The following CDKN1A variants were observed in gnomAD, a reference collection of about 807,000 sequenced individuals.
The protein encoded by CDKN1A is cyclin-dependent kinase inhibitor 1.
CDKN1A carries 14 observed loss-of-function variants against 14.8 expected under a neutral mutation model. The ratio of observed to expected loss-of-function variants is 0.94; its 90% confidence interval spans 0.62 to 1.48. The LOEUF is 1.48. Ranked by LOEUF, CDKN1A falls within the 40% of genes most tolerant of loss-of-function variation. CDKN1A has a pLI of 0.00. For synonymous variants in CDKN1A, 92 were observed against 93.5 expected, an observed-to-expected ratio of 0.98 and a Z score of 0.09; for missense variants, 203 against 231.7, an observed-to-expected ratio of 0.88 and a Z score of 0.80.
intron 1 of CDKN1A, among the ~76,000 whole-genome samples, chr6:36,681,276 CTTTT>C (rs1451003891): frequency 0.062 from 6,527 of 104,440 alleles, 362 homozygotes; most frequent in African/African-American, 0.072. Flanking sequence ...TTCTTTCTTT[CTTTT>C]TTTCTTTCTT....
upstream of CDKN1A, among the ~76,000 whole-genome samples, chr6:36,676,832 A>G (rs1319080340): frequency 6.6e-6 from 1 of 152,158 alleles, no homozygotes; most frequent in African/African-American, 2.4e-5. Flanking sequence ...GTAGGTACTT[A>G]AGAAATATTG....
At chr6:36,677,221 G>A (rs890138917), upstream of CDKN1A, among the ~76,000 whole-genome samples, 6 of 152,164 alleles carry the variant, frequency 3.9e-5, no homozygotes, top group African/African-American at 9.7e-5. Flanking sequence ...ACTCCAGGGC[G>A]AGGCAGGCCA....
chr6:36,681,841 T>A (rs544371899), intron 1 of CDKN1A, among the ~76,000 whole-genome samples: 4 of 151,896 alleles, frequency 2.6e-5, no homozygotes, highest in South Asian at 2.1e-4. Flanking sequence ...TGCTCCGCCC[T>A]CCTCGGCCTC....
Position 36,684,553 on chromosome 6 carries a change from A to G in CDKN1A, c.445+7A>G, listed in dbSNP as rs746949689. On this transcript the variant is annotated splice_region_variant and intron_variant, in intron 2 of 2. Transcript: ENST00000244741. This position sits in a 1 kb window ranked among gnomAD's most constrained non-coding sequence, Gnocchi z 6.0. ...CGGCAGACCAGCATGACAGGTGCGG[A>G]CATGTGCACGGAAGGACTTTGTAAG... 1.2e-6 allele frequency: 2 copies of G among 1,613,576 alleles called. No homozygotes were observed. The highest frequency in any genetic ancestry group is 4.5e-5 in the East Asian group (2 of 44,876).
In CDKN1A at chr6:36,681,784, C is replaced by CG. The variant is rs3176341; in HGVS notation, c.-5-2309dup. On this transcript the variant is annotated intron_variant, in intron 1 of 2. Coordinates refer to ENST00000244741, the MANE Select transcript of CDKN1A (RefSeq NM_000389.5). ...TTTTTTTTTGTATTTTTAGTAGAGACGGGGTTTCACCGTGTTAGCCAGGAT... is the reference window on the plus strand; with the variant it reads ...TTTTTTTTTGTATTTTTAGTAGAGACGGGGGTTTCACCGTGTTAGCCAGGAT... Among the ~76,000 whole-genome samples the CG allele has an allele frequency of 7.5e-3, 1,144 of 151,742 alleles. 13 individuals carry two copies. Among genetic ancestry groups the CG allele is most frequent in the African/African-American group, 0.026 (1,071 of 41,340 alleles).
At chr6:36,679,012 G>A in intron 1 of CDKN1A, 2 of 975,394 alleles carry the variant, frequency 2.1e-6, no homozygotes, top group African/African-American at 1.8e-5. Flanking sequence ...GGTGACGAGA[G>A]TCGGGATGTG....
At chr6:36,678,537 C>A (rs766602031), upstream of CDKN1A, 103 of 414,224 alleles carry the variant, frequency 2.5e-4, no homozygotes, top group Non-Finnish European at 3.3e-4. This position sits in a 1 kb window ranked among gnomAD's most constrained non-coding sequence, Gnocchi z 5.7. Flanking sequence ...GTTCCGGGAC[C>A]GGCTGGCCTG....
intron 1 of CDKN1A, among the ~76,000 whole-genome samples, chr6:36,683,873 T>A (rs1032369595): frequency 6.6e-6 from 1 of 152,258 alleles, no homozygotes; most frequent in Admixed American, 6.5e-5. Context: ...TAGCTTGCCC[T>A]TCAGTTGCCT....
intron 1 of CDKN1A, chr6:36,680,777 C>G (rs1282081873): frequency 6.6e-6 from 1 of 152,164 alleles, no homozygotes; most frequent in East Asian, 1.9e-4. Flanking sequence ...ATTCACTGAG[C>G]TCTTACTGGA....
intron 1 of CDKN1A, chr6:36,680,336 G>GTGTC (rs1252959572): frequency 2.0e-5 from 3 of 152,066 alleles, no homozygotes; most frequent in Non-Finnish European, 4.4e-5. Flanking sequence ...GTGTGTGTGT[G>GTGTC]TGTGTGTGTC....
chr6:36,681,370 TTTC>T (rs1434139225), intron 1 of CDKN1A, among the ~76,000 whole-genome samples: 17 of 73,504 alleles, frequency 2.3e-4, no homozygotes, highest in African/African-American at 7.9e-4. Flanking sequence ...CTTTTCTTTC[TTTC>T]TTTCTTTCTT....
At chr6:36,680,181 G>A (rs914799002) in intron 1 of CDKN1A, among the ~76,000 whole-genome samples, 1 of 152,176 alleles carries the variant, frequency 6.6e-6, no homozygotes, top group Non-Finnish European at 1.5e-5. Flanking sequence ...ACTTGCGAGC[G>A]GTTTTGTTTT....
intron 1 of CDKN1A, chr6:36,679,030 C>T (rs3176321): frequency 0.022 from 21,094 of 948,964 alleles, 289 homozygotes; most frequent in Non-Finnish European, 0.024. Context: ...GTGCCGGAGA[C>T]CCCGGGGCGG....
intron 1 of CDKN1A, chr6:36,682,514 C>T (rs1416602589): frequency 6.6e-6 from 1 of 152,300 alleles, no homozygotes; most frequent in Non-Finnish European, 1.5e-5. Context: ...CCTCTCCCAA[C>T]CAGCTGGGAC....
At position 36,685,759 on chromosome 6, in the gene CDKN1A, C is replaced by T. The variant is rs2150315398; in HGVS notation, c.454C>T (p.His152Tyr). The T allele has an allele frequency of 6.2e-7, 1 of 1,614,176 alleles. No homozygotes were observed. Among genetic ancestry groups the T allele is most frequent in the Non-Finnish European group, 8.5e-7 (1 of 1,180,020 alleles). ...CTGCTGTCTCTCCTCAGATTTCTACCACTCCAAACGCCGGCTGATCTTCTC... is the reference window on the plus strand; with the variant it reads ...CTGCTGTCTCTCCTCAGATTTCTACTACTCCAAACGCCGGCTGATCTTCTC... The part of the protein sequence containing the change: ...RRQTSMTDFY[H>Y]SKRRLIFSKR... The change falls in exon 3 of 3, where the codon CAC becomes TAC. Residue 152 changes from histidine to tyrosine, a missense_variant. Transcript: ENST00000244741.
chr6:36,681,280 T>TCTTTCTTTCTTTCTTTC (rs1554185351), intron 1 of CDKN1A, among the ~76,000 whole-genome samples: 4 of 112,790 alleles, frequency 3.5e-5, no homozygotes, highest in African/African-American at 1.0e-4. Context: ...TTCTTTCTTT[T>TCTTTCTTTCTTTCTTTC]TTTCTTTCTT....
upstream of CDKN1A, among the ~76,000 whole-genome samples, chr6:36,677,282 C>G (rs993155883): frequency 2.0e-5 from 3 of 152,288 alleles, no homozygotes; most frequent in East Asian, 1.9e-4. Context: ...CCCATCCCCA[C>G]AGCAGAGGAG....
chr6:36,681,398 T>C lies in CDKN1A; in HGVS notation c.-6+2600T>C, dbSNP rs555863670. 3.5e-4 allele frequency among the ~76,000 whole-genome samples: 37 copies of C among 107,018 alleles called. 2 individuals carry two copies. Among genetic ancestry groups the C allele is most frequent in the African/African-American group, 1.4e-3 (36 of 25,994 alleles). 70.2% of individuals were successfully genotyped at this position (107,018 alleles called of 152,430 possible). A position where few individuals can be genotyped will look rare whatever the true frequency, so the allele number is the denominator to read the frequency against. The stretch of plus-strand genomic sequence containing the variant: ...CTTTCTTTCTTTCTTTCTTTCTTTC[T>C]TTCTTTCTTCCTTTCTCTTTCTCTC... On this transcript the variant is annotated intron_variant, in intron 1 of 2. Coordinates refer to ENST00000244741, the MANE Select transcript of CDKN1A (RefSeq NM_000389.5).
intron 1 of CDKN1A, chr6:36,682,710 G>T (rs1250417786): frequency 5.3e-5 from 8 of 152,282 alleles, no homozygotes; most frequent in Admixed American, 4.6e-4. Context: ...CTCAGCCCTG[G>T]AGTCAAGCCA....
Sources: gnomAD v4.1 joint callset for allele counts (sites outside exome capture counted in the v4.1 genomes callset) on GRCh38, gnomAD v4.1.1 for gene constraint, Gnocchi (gnomAD v3.1) non-coding constraint, MANE v1.5 for transcripts, NCBI Gene and HGNC (gene_info 2026-07-23, HGNC 2026-07-21) for gene names.